Variants in NEB observed in about 807,000 individuals in gnomAD.
The protein encoded by NEB is nemaline myopathy type 2.
In NEB, 512 loss-of-function variants were observed where a neutral mutation model predicts 952.2. That is an observed-to-expected ratio of 0.54 (90% CI 0.50 to 0.58). The LOEUF is 0.58. Ranked by LOEUF, NEB falls within the 20% of genes least tolerant of loss-of-function variation. The pLI, the probability that NEB is intolerant of heterozygous loss-of-function variation, is 0.00. For synonymous variants in NEB, 2,900 were observed against 3,149.8 expected, an observed-to-expected ratio of 0.92 and a Z score of 2.66; for missense variants, 8,428 against 9,231.1, an observed-to-expected ratio of 0.91 and a Z score of 3.56.
rs371634536 is a variant in NEB at position 151,733,192 on chromosome 2, A to G, written c.-29-7T>C. 2 of 1,576,184 alleles carry G rather than the reference A, an allele frequency of 1.3e-6. No homozygotes were observed. Among genetic ancestry groups the G allele is most frequent in the Admixed American group, 1.7e-5 (1 of 57,302 alleles). On this transcript the variant is annotated splice_polypyrimidine_tract_variant and splice_region_variant and intron_variant, in intron 2 of 181. Coordinates refer to ENST00000397345, the MANE Select transcript of NEB (RefSeq NM_001164508.2). Reference sequence around the variant, plus strand: ...TAGTAGTGGCACCTACAAACTTTTCATATTCCATACAAATGAAAACATATT... The same window carrying G: ...TAGTAGTGGCACCTACAAACTTTTCGTATTCCATACAAATGAAAACATATT...
At chr2:151,575,405 T>C (rs761123344) in intron 107 of NEB, among the ~76,000 whole-genome samples, 14 of 152,238 alleles carry the variant, frequency 9.2e-5, no homozygotes, top group Non-Finnish European at 1.9e-4. Context: ...TCTCTTTTCT[T>C]GTTTGTGCAT....
intron 48 of NEB, among the ~76,000 whole-genome samples, chr2:151,656,730 C>T (rs2099089169): frequency 6.6e-6 from 1 of 151,818 alleles, no homozygotes; most frequent in African/African-American, 2.4e-5. Context: ...GAGCAACCTG[C>T]TGAGGCCACT....
At chr2:151,710,780 G>A (rs1398995735) in intron 10 of NEB, among the ~76,000 whole-genome samples, 1 of 152,088 alleles carries the variant, frequency 6.6e-6, no homozygotes, top group Non-Finnish European at 1.5e-5. Flanking sequence ...GCTGAGTTTG[G>A]GGACTTCATT....
In NEB at chr2:151,526,245, T is replaced by C. The variant is rs61730765; in HGVS notation, c.21963A>G (p.Lys7321=). ...LIESDLKYKE[K]HVKERGTCHA... ...GGCAGGTTCCTCTTTCCTTGACATG[T>C]TTCTCTTTGTATTTCAGCTTCAGGG... Residue 7321 remains lysine (K), a synonymous_variant, in exon 149 of 182, where the codon AAA becomes AAG. Coordinates refer to ENST00000397345, the MANE Select transcript of NEB (RefSeq NM_001164508.2). 35,613 of 1,611,434 alleles carry C rather than the reference T, an allele frequency of 0.022. 501 individuals carry two copies. The highest frequency in any genetic ancestry group is 0.056 in the African/African-American group (4,231 of 74,974).
In NEB at chr2:151,734,389, T is replaced by A. The variant is rs2099816600; in HGVS notation, c.-114+9A>T. 1 of 152,266 alleles carries A rather than the reference T, an allele frequency of 6.6e-6. No homozygotes were observed. The highest frequency in any genetic ancestry group is 6.5e-5 in the Admixed American group (1 of 15,282). The allele number at this position is 152,266 out of a possible 1,614,324, so 9.4% of individuals were successfully genotyped here. On this transcript the variant is annotated intron_variant, in intron 1 of 181. Transcript: ENST00000397345. ...GAGTATTACAGAAAAAGTCATAAAC[T>A]GGCCTTACCTTCAATCTACCAAATA...
chr2:151,501,856 T>G (rs1378222595), intron 167 of NEB, among the ~76,000 whole-genome samples: 1 of 152,028 alleles, frequency 6.6e-6, no homozygotes, highest in Non-Finnish European at 1.5e-5. Flanking sequence ...ACAGGTAGGT[T>G]TGGGGGAACA....
At chr2:151,495,368 C>T (rs917906935) in intron 173 of NEB, 2 of 152,170 alleles carry the variant, frequency 1.3e-5, no homozygotes, top group African/African-American at 2.4e-5. Flanking sequence ...TTCTCTGGCC[C>T]CCTCTATAAC....
chr2:151,513,790 C>A, intron 159 of NEB, 97 bp from the exon 160 acceptor site: 1 of 812,498 alleles, frequency 1.2e-6, no homozygotes, highest in African/African-American at 1.7e-5. Flanking sequence ...CACGCCACCC[C>A]AGTTGTCACA....
intron 9 of NEB, among the ~76,000 whole-genome samples, chr2:151,720,444 G>T (rs1003629007): frequency 5.3e-5 from 8 of 152,142 alleles, no homozygotes; most frequent in African/African-American, 1.9e-4. Context: ...GTGCACACTT[G>T]GTCTGCAATT....
chr2:151,531,870 T>C lies in NEB; in HGVS notation c.21444A>G (p.Lys7148=). The C allele has an allele frequency of 6.3e-7, 1 of 1,599,142 alleles. No individual in the cohort carries two copies. The highest frequency in any genetic ancestry group is 8.5e-7 in the Non-Finnish European group (1 of 1,173,110). The change falls in exon 144 of 182, where the codon AAA becomes AAG. Residue 7148 remains lysine (K), a synonymous_variant. Coordinates refer to ENST00000397345, the MANE Select transcript of NEB (RefSeq NM_001164508.2). The part of the protein sequence containing the change: ...SQIKYRKNYE[K]SKDKFTSIVD... Reference sequence around the variant, plus strand: ...CAATTGAGGTAAATTTGTCCTTTGATTTTTCATAGTTTTTCCTGTATTTGA... The same window carrying C: ...CAATTGAGGTAAATTTGTCCTTTGACTTTTCATAGTTTTTCCTGTATTTGA...
chr2:151,653,954 TA>T (rs1558857934), intron 52 of NEB, 37 bp downstream of exon 52: 2 of 1,383,990 alleles, frequency 1.4e-6, no homozygotes, highest in Admixed American at 1.8e-5. Context: ...CTGATTCAGA[TA>T]AAAATATAGC....
chr2:151,686,445 A>G (rs967018058), intron 27 of NEB, among the ~76,000 whole-genome samples: 6 of 152,216 alleles, frequency 3.9e-5, no homozygotes, highest in Admixed American at 6.5e-5. Context: ...CATGCTATCA[A>G]TGGGGAGTTA....
At chr2:151,625,358 C>T (rs549092959) in intron 71 of NEB, among the ~76,000 whole-genome samples, 176 bp downstream of exon 71, 6 of 152,216 alleles carry the variant, frequency 3.9e-5, no homozygotes, top group South Asian at 2.1e-4. Context: ...AATCTATCTA[C>T]CTTTCTATCT....
At chr2:151,689,191 T>C (rs1304132103) in intron 24 of NEB, 1 of 145,178 alleles carries the variant, frequency 6.9e-6, no homozygotes, top group African/African-American at 2.5e-5. Flanking sequence ...TAAAAAGATA[T>C]ATACTCTTTT....
chr2:151,662,077 A>G, intron 46 of NEB, 58 bp downstream of exon 46: 1 of 1,450,728 alleles, frequency 6.9e-7, no homozygotes, highest in Non-Finnish European at 9.4e-7. Flanking sequence ...GATTAAATGT[A>G]AATTATACCT....
intron 52 of NEB, among the ~76,000 whole-genome samples, chr2:151,652,569 G>A (rs1269493937): frequency 1.3e-5 from 2 of 152,136 alleles, no homozygotes; most frequent in Non-Finnish European, 2.9e-5. Context: ...TTTTGGAGAT[G>A]GAGAGAAGGT....
At position 151,561,046 on chromosome 2, in the gene NEB, C is replaced by T; in HGVS notation, c.19164G>A (p.Val6388=). The T allele has an allele frequency of 6.2e-7, 1 of 1,609,550 alleles. No individual in the cohort carries two copies. Among genetic ancestry groups the T allele is most frequent in the Non-Finnish European group, 8.5e-7 (1 of 1,177,482 alleles). ...KDKYTTVLET[V]DYDRTRNLKN... ...TCAGGTTTCTGGTTCTGTCATAATC[C>T]ACTGTTTCTAGAACTGTTGTGTATT... is the stretch of plus-strand genomic sequence containing the variant. Residue 6388 remains valine, a synonymous_variant, in exon 123 of 182, where the codon GTG becomes GTA. Coordinates refer to ENST00000397345, the MANE Select transcript of NEB (RefSeq NM_001164508.2).
At position 151,690,773 on chromosome 2, in the gene NEB, G is replaced by C. The variant is rs570134110; in HGVS notation, c.2264C>G (p.Ser755Cys). ...DKTKFTAVTD[S>C]PVLLQAQLNT... ...GAGCTGGGCTTGCAACAGTACAGGA[G>C]AATCAGTGACTGCCGTGAATTTGGT... The change falls in exon 24 of 182, where the codon TCT becomes TGT. Residue 755 changes from serine to cysteine, a missense_variant. By Grantham distance (112) the Ser-to-Cys change is moderately radical. Around this residue, in one of 11 missense-constraint regions of NEB, gnomAD observed 2,851 missense variants for 2,791.5 expected, o/e 1.02. Coordinates refer to ENST00000397345, the MANE Select transcript of NEB (RefSeq NM_001164508.2). 9 of 1,599,610 alleles carry C rather than the reference G, an allele frequency of 5.6e-6. No individual in the cohort carries two copies. The South Asian group carries it at 6.8e-5, about 12-fold the overall frequency.
intron 7 of NEB, 48 bp from the exon 8 acceptor site, chr2:151,724,412 G>C (rs1246318971): frequency 7.1e-7 from 1 of 1,407,406 alleles, no homozygotes; most frequent in Non-Finnish European, 9.9e-7. Context: ...TCACCCAAAG[G>C]CATGAGGATT....
Sources: gnomAD v4.1 joint callset for allele counts (sites outside exome capture counted in the v4.1 genomes callset) on GRCh38, gnomAD v4.1.1 for gene constraint, gnomAD v4.1.1 regional missense constraint, MANE v1.5 for transcripts, NCBI Gene and HGNC (gene_info 2026-07-23, HGNC 2026-07-21) for gene names.